CSTF2: variants seen among roughly 807,000 people sequenced by gnomAD.
CSTF2 encodes the protein cleavage stimulation factor subunit 2.
In CSTF2, 8 loss-of-function variants were observed where a neutral mutation model predicts 45.4. The ratio of observed to expected loss-of-function variants is 0.18; its 90% confidence interval spans 0.10 to 0.32. CSTF2 has a LOEUF of 0.32. CSTF2 is among the 10% of genes least tolerant of loss of function. The pLI is 1.00. For synonymous variants in CSTF2, 155 were observed against 158.9 expected, an observed-to-expected ratio of 0.98 and a Z score of 0.18; for missense variants, 253 against 477.1, an observed-to-expected ratio of 0.53 and a Z score of 4.38.
At chrX:100,827,661 A>T (rs1439048046) in intron 7 of CSTF2, among the ~76,000 whole-genome samples, 1 of 112,069 alleles carries the variant, frequency 8.9e-6, no homozygotes, top group Non-Finnish European at 1.9e-5. Flanking sequence ...AATTTTTTGT[A>T]TCTACTTTAG....
In CSTF2 at chrX:100,820,424, G is replaced by C. The variant is rs920411445; in HGVS notation, c.8G>C (p.Gly3Ala). 5.0e-6 allele frequency: 6 copies of C among 1,210,772 alleles called. No individual in the cohort carries two copies. The African/African-American group carries it at 1.0e-4, about 21-fold the overall frequency. The change falls in exon 1 of 14, where the codon GGT becomes GCT. Residue 3 changes from glycine (G) to alanine (A), a missense_variant. Physicochemically the swap from Gly to Ala is moderately conservative, Grantham distance 60. Transcript: ENST00000372972. MA[G>A]LTVRDPAVDR... ...AGCCGACTCAACAGAGCTATGGCGG[G>C]TTTGACTGTGAGAGACCCAGCGGTG...
chrX:100,821,413 T>C (rs944786212), intron 1 of CSTF2, 114 bp from the exon 2 acceptor site: 9 of 515,330 alleles, frequency 1.7e-5, no homozygotes, highest in Non-Finnish European at 3.0e-5. Flanking sequence ...TACAATGGAA[T>C]TGGGATTGGA....
chrX:100,825,987 A>AT lies in CSTF2; in HGVS notation c.703-639dup, dbSNP rs771416359. ...TTTGTGTTCCTTAAACGTATATGTG[A>AT]TTTTTTTTATATAACTTGGCTTTTA... is the stretch of plus-strand genomic sequence containing the variant. On this transcript the variant is annotated intron_variant, in intron 6 of 13. Coordinates refer to ENST00000372972, the MANE Select transcript of CSTF2 (RefSeq NM_001325.3). 3.1e-4 allele frequency among the ~76,000 whole-genome samples: 34 copies of AT among 110,999 alleles called. No individual in the cohort carries two copies. The East Asian group carries it at 7.0e-3, about 23-fold the overall frequency.
At chrX:100,838,497 C>T (rs2085022309) in intron 13 of CSTF2, 133 bp downstream of exon 13, 1 of 497,633 alleles carries the variant, frequency 2.0e-6, no homozygotes, top group African/African-American at 2.5e-5. Context: ...CTTTACCCTT[C>T]AGTAGGTCAG....
intron 8 of CSTF2, among the ~76,000 whole-genome samples, chrX:100,831,083 G>A (rs745900297): frequency 1.8e-5 from 2 of 111,498 alleles, no homozygotes; most frequent in African/African-American, 6.5e-5. Context: ...GCATCTGTCC[G>A]AGGCTGTACT....
At chrX:100,833,125 T>G in intron 10 of CSTF2, 55 bp from the exon 11 acceptor site, 1 of 1,125,127 alleles carries the variant, frequency 8.9e-7, no homozygotes, top group Non-Finnish European at 1.2e-6. Flanking sequence ...TGTTCATCAT[T>G]CTTGCAGTAC....
chrX:100,835,846 G>T (rs1350362961), intron 11 of CSTF2, among the ~76,000 whole-genome samples: 4 of 111,243 alleles, frequency 3.6e-5, no homozygotes, highest in Non-Finnish European at 7.5e-5. Context: ...TGAGTGGTTA[G>T]ATCACAATTA....
intron 9 of CSTF2, among the ~76,000 whole-genome samples, chrX:100,832,147 G>A (rs1157640568): frequency 9.0e-6 from 1 of 111,611 alleles, no homozygotes; most frequent in Non-Finnish European, 1.9e-5. Context: ...AACCCAGGAG[G>A]TGGAGGTTGC....
intron 4 of CSTF2, 124 bp downstream of exon 4, chrX:100,823,552 A>G (rs1279291658): frequency 5.3e-5 from 39 of 740,460 alleles, no homozygotes; most frequent in Non-Finnish European, 7.5e-5. Flanking sequence ...CACCTTCAAT[A>G]TTCTGTATGT....
At chrX:100,836,907 T>C (rs2085011983) in intron 11 of CSTF2, among the ~76,000 whole-genome samples, 1 of 112,079 alleles carries the variant, frequency 8.9e-6, no homozygotes, top group Non-Finnish European at 1.9e-5. Context: ...ACAAACTACC[T>C]GTATCTGATT....
At chrX:100,833,748 A>G (rs1329895991) in intron 11 of CSTF2, among the ~76,000 whole-genome samples, 3 of 111,809 alleles carry the variant, frequency 2.7e-5, no homozygotes, top group African/African-American at 9.8e-5. Flanking sequence ...AGTAGTCTTG[A>G]TTGGGGTACA....
intron 8 of CSTF2, among the ~76,000 whole-genome samples, chrX:100,828,472 C>T (rs2084956696): frequency 8.9e-6 from 1 of 112,057 alleles, no homozygotes; most frequent in South Asian, 3.7e-4. Context: ...ATTCCACTGA[C>T]ATGTTCTCTC....
At chrX:100,832,626 A>G in intron 9 of CSTF2, 108 bp from the exon 10 acceptor site, 1 of 625,591 alleles carries the variant, frequency 1.6e-6, no homozygotes, top group African/African-American at 2.2e-5. Flanking sequence ...TCTTGTTAGT[A>G]TTCATAGACT....
In CSTF2 at chrX:100,833,184, A is replaced by G. The variant is rs774568997; in HGVS notation, c.1212A>G (p.Gly404=). The change falls in exon 11 of 14, where the codon GGA becomes GGG. Residue 404 remains glycine (G), a synonymous_variant. Coordinates refer to ENST00000372972, the MANE Select transcript of CSTF2 (RefSeq NM_001325.3). ...TTGTTACATTTTTCTTTATAGGTGG[A>G]AGGGATCCCCGAGGAATAGATGCAC... ...QRGPPLDGRG[G]RDPRGIDARG... The G allele has an allele frequency of 7.5e-6, 9 of 1,207,315 alleles. No individual in the cohort carries two copies. The Admixed American group carries it at 2.0e-4, about 26-fold the overall frequency.
In CSTF2 at chrX:100,838,524, G is replaced by A. The variant is rs761917441; in HGVS notation, c.*3+160G>A. 4.5e-5 allele frequency among the ~76,000 whole-genome samples: 5 copies of A among 111,994 alleles called. No individual in the cohort carries two copies. The East Asian group carries it at 1.4e-3, about 31-fold the overall frequency. ...GTAGGTCAGCTCCTGTAGGGATAGA[G>A]TAAGGCTATACAATGTTTGTTCAGT... On this transcript the variant is annotated intron_variant, in intron 13 of 13. Transcript: ENST00000372972.
chrX:100,836,711 T>C (rs2085010743), intron 11 of CSTF2, among the ~76,000 whole-genome samples: 1 of 112,108 alleles, frequency 8.9e-6, no homozygotes, highest in African/African-American at 3.2e-5. Flanking sequence ...GTTTTTTCAC[T>C]CCAGTCAGTC....
In CSTF2 at chrX:100,837,457, A is replaced by G; in HGVS notation, c.1611+8A>G. Reference sequence around the variant, plus strand: ...CCACAGGATCATGAGAAGGTAAGCAACACTGTCTGACTGCCTCCTTATGCA... The same window carrying G: ...CCACAGGATCATGAGAAGGTAAGCAGCACTGTCTGACTGCCTCCTTATGCA... On this transcript the variant is annotated splice_region_variant and intron_variant, in intron 12 of 13. Coordinates refer to ENST00000372972, the MANE Select transcript of CSTF2 (RefSeq NM_001325.3). 1 of 1,095,208 alleles carries G rather than the reference A, an allele frequency of 9.1e-7. No homozygotes were observed. Among genetic ancestry groups the G allele is most frequent in the Non-Finnish European group, 1.3e-6 (1 of 792,876 alleles). 90.3% of individuals were successfully genotyped at this position (1,095,208 alleles called of 1,213,427 possible).
At chrX:100,833,879 A>C (rs1398521683) in intron 11 of CSTF2, among the ~76,000 whole-genome samples, 1 of 111,875 alleles carries the variant, frequency 8.9e-6, no homozygotes, top group Admixed American at 9.5e-5. Flanking sequence ...CTTCCCCCAA[A>C]TGATTCTAAT....
intron 3 of CSTF2, chrX:100,822,630 A>G: frequency 2.4e-6 from 1 of 414,070 alleles, no homozygotes; most frequent in Middle Eastern, 7.0e-4. Context: ...AATTGTCTGA[A>G]ATTTCTATAC....
Sources: gnomAD v4.1 joint callset for allele counts (sites outside exome capture counted in the v4.1 genomes callset) on GRCh38, gnomAD v4.1.1 for gene constraint, MANE v1.5 for transcripts, NCBI Gene and HGNC (gene_info 2026-07-23, HGNC 2026-07-21) for gene names.